The following MATN4 variants were observed in gnomAD, a reference collection of about 807,000 sequenced individuals.
MATN4 encodes matrilin 4, also known as matrilin-4.
Under a neutral mutation model 54.6 loss-of-function variants are expected in MATN4, and 40 were observed. The ratio of observed to expected loss-of-function variants is 0.73; its 90% CI spans 0.57 to 0.95. MATN4 has a LOEUF of 0.95. MATN4 is among the 40% of genes least tolerant of loss of function. The probability of loss-of-function intolerance (pLI) is 0.00; values close to 1 mark genes in which losing one functional copy is unlikely to be tolerated. For missense variants in MATN4, 810 were observed against 819.1 expected (o/e 0.99, Z 0.13); for synonymous variants, 351 against 345.3 (o/e 1.02, Z -0.18).
chr20:45,294,207 T>C (rs1395300889), intron 8 of MATN4, among the ~76,000 whole-genome samples, 192 bp from the exon 9 acceptor site: 1 of 152,226 alleles, frequency 6.6e-6, no homozygotes, highest in Non-Finnish European at 1.5e-5. Context: ...TTCTCATCTA[T>C]AAAATGGATA....
chr20:45,305,848 G>T (rs1169973394), intron 1 of MATN4, among the ~76,000 whole-genome samples: 1 of 82,934 alleles, frequency 1.2e-5, no homozygotes, highest in Non-Finnish European at 2.1e-5. Context: ...CTGTCGTCCC[G>T]GCTGGAGTGC....
rs1018651390 is a variant in MATN4 at position 45,304,215 on chromosome 20, C to A, written c.643+13G>T. The A allele has an allele frequency of 3.4e-6, 5 of 1,486,390 alleles. No homozygotes were observed. Among genetic ancestry groups the A allele is most frequent in the Non-Finnish European group, 4.5e-6 (5 of 1,120,302 alleles). The allele number at this position is 1,486,390 out of a possible 1,614,324, so 92.1% of individuals were successfully genotyped here. ...GAGAGTTCGAGCTTCACTCCAGCGC[C>A]CTCCTAACTCACCACACAGCCGGCT... On this transcript the variant is annotated intron_variant, in intron 3 of 9. Coordinates refer to ENST00000372756, the MANE Select transcript of MATN4 (RefSeq NM_001393530.1).
At position 45,298,241 on chromosome 20, in the gene MATN4, A is replaced by G; in HGVS notation, c.1355T>C (p.Val452Ala). The change falls in exon 7 of 10, where the codon GTT becomes GCT. Residue 452 changes from valine to alanine, a missense_variant. Physicochemically the swap from Val to Ala is moderately conservative, Grantham distance 64. Coordinates refer to ENST00000372756, the MANE Select transcript of MATN4 (RefSeq NM_001393530.1). The surrounding 1 kb of genome is among the most constrained non-coding windows in gnomAD (Gnocchi z 4.6). ...GCGGCCATCCGTGAAGACCAGGCCA[A>G]CACGAGGCACGTTAAGGGCACGGGG... ...ARPRALNVPR[V>A]GLVFTDGRSQ... 1 of 1,611,828 alleles carries G rather than the reference A, an allele frequency of 6.2e-7. No individual in the cohort carries two copies. Among genetic ancestry groups the G allele is most frequent in the Non-Finnish European group, 8.5e-7 (1 of 1,178,740 alleles).
At chr20:45,307,679 A>C (rs1402633175) in intron 1 of MATN4, among the ~76,000 whole-genome samples, 2 of 152,206 alleles carry the variant, frequency 1.3e-5, no homozygotes, top group Admixed American at 6.5e-5. Context: ...AATCCTAGAA[A>C]GTCAAAATAG....
chr20:45,298,174 C>G lies in MATN4; in HGVS notation c.1422G>C (p.Glu474Asp). The change falls in exon 7 of 10, where the codon GAG (glutamate) becomes GAC (aspartate). Residue 474 changes from glutamate (E) to aspartate (D), a missense_variant. Physicochemically the swap from Glu to Asp is conservative, Grantham distance 45. Transcript: ENST00000372756. This position sits in a 1 kb window ranked among gnomAD's most constrained non-coding sequence, Gnocchi z 4.6. ...TGTGTCCCATGCCAAGCCCACCTTC[C>G]TCCTTGGCGCGCGCTGCCCACACCG... is the stretch of plus-strand genomic sequence containing the variant. ...DISVWAARAK[E>D]EGIVMYAVGV... is the part of the protein sequence containing the mutation. 1.3e-6 allele frequency: 2 copies of G among 1,596,314 alleles called. No homozygotes were observed.
At position 45,304,782 on chromosome 20, in the gene MATN4, G is replaced by T. The variant is rs375388033; in HGVS notation, c.89C>A (p.Thr30Asn). 8.1e-5 allele frequency: 129 copies of T among 1,584,614 alleles called. No homozygotes were observed. The highest frequency in any genetic ancestry group is 9.8e-5 in the Non-Finnish European group (114 of 1,159,166). ...QLQLTGPRCH[T>N]GPLDLVFVID... Reference sequence around the variant, plus strand: ...CACGAACACCAGATCCAGGGGCCCAGTGTGACACCTGGGACCTGCGGGGAG... The same window carrying T: ...CACGAACACCAGATCCAGGGGCCCATTGTGACACCTGGGACCTGCGGGGAG... Residue 30 changes from threonine (T) to asparagine (N), a missense_variant, in exon 3 of 10, where the codon ACT (threonine) becomes AAT (asparagine). Transcript: ENST00000372756.
chr20:45,296,227 A>G (rs1985817827), intron 8 of MATN4, among the ~76,000 whole-genome samples: 2 of 140,286 alleles, frequency 1.4e-5, no homozygotes, highest in African/African-American at 5.5e-5. Context: ...AAAAAAAAAA[A>G]AAAAAAAAAA....
chr20:45,308,473 G>A (rs1046315585), upstream of MATN4: 1 of 558,654 alleles, frequency 1.8e-6, no homozygotes, highest in South Asian at 2.2e-5. Flanking sequence ...GGCTAGCTGC[G>A]GGCCAGGCTG....
At position 45,293,820 on chromosome 20, in the gene MATN4, G is replaced by T; in HGVS notation, c.1693C>A (p.Gln565Lys). The T allele has an allele frequency of 6.2e-7, 1 of 1,611,526 alleles. No individual in the cohort carries two copies. The highest frequency in any genetic ancestry group is 8.5e-7 in the Non-Finnish European group (1 of 1,179,956). Reference protein sequence around the residue: ...ALESLTLNLAQLTARLEDLEN... With the variant: ...ALESLTLNLAKLTARLEDLEN... ...AGATCCTCCAGGCGCGCCGTCAGCT[G>T]GGCCAGTGAGCGGTTAAGGAGGCCG... The change falls in exon 10 of 10, where the codon CAG (glutamine) becomes AAG (lysine). Residue 565 changes from glutamine to lysine, a missense_variant. Physicochemically the swap from Gln to Lys is moderately conservative, Grantham distance 53. Coordinates refer to ENST00000372756, the MANE Select transcript of MATN4 (RefSeq NM_001393530.1).
chr20:45,305,356 C>G (rs1986537075), intron 2 of MATN4, among the ~76,000 whole-genome samples, 154 bp downstream of exon 2: 1 of 152,226 alleles, frequency 6.6e-6, no homozygotes, highest in South Asian at 2.1e-4. Context: ...GATGAAGAAA[C>G]TGAGGCCCAG....
intron 8 of MATN4, among the ~76,000 whole-genome samples, chr20:45,296,514 T>TA (rs1985844425): frequency 6.6e-6 from 1 of 152,146 alleles, no homozygotes; most frequent in Non-Finnish European, 1.5e-5. Context: ...CACCAATTGA[T>TA]AAAGAGCTTC....
intron 2 of MATN4, 61 bp from the exon 3 acceptor site, chr20:45,304,858 C>T: frequency 9.0e-7 from 1 of 1,112,268 alleles, no homozygotes; most frequent in Non-Finnish European, 1.3e-6. Flanking sequence ...GAGGAGACCC[C>T]CTAGGAAACC....
chr20:45,304,057 C>G lies in MATN4; in HGVS notation c.643+171G>C, dbSNP rs114419807. ...ATAGGTTGCTCCTTGTTGATGGAGG[C>G]TGAGCAGAAGTGGTCAGAGCTGAAA... On this transcript the variant is annotated intron_variant, in intron 3 of 9. Coordinates refer to ENST00000372756, the MANE Select transcript of MATN4 (RefSeq NM_001393530.1). 5.9e-3 allele frequency among the ~76,000 whole-genome samples: 895 copies of G among 152,238 alleles called. 5 individuals are homozygous for G. Among genetic ancestry groups the G allele is most frequent in the African/African-American group, 0.02 (826 of 41,524 alleles).
Position 45,301,389 on chromosome 20 carries a change from G to T in MATN4, c.698C>A (p.Ser233Tyr). 6.2e-7 allele frequency: 1 copy of T among 1,614,134 alleles called. No individual in the cohort carries two copies. The highest frequency in any genetic ancestry group is 8.5e-7 in the Non-Finnish European group (1 of 1,180,020). The part of the protein sequence containing the change: ...THGCEHHCVN[S>Y]PGSYFCHCQV... ...GCAGTGACAGAAATAGGAGCCTGGG[G>T]AATTGACGCAGTGGTGCTCACATCC... The change falls in exon 4 of 10, where the codon TCC becomes TAC. Residue 233 changes from serine (S) to tyrosine (Y), a missense_variant. Physicochemically the swap from Ser to Tyr is moderately radical, Grantham distance 144. Coordinates refer to ENST00000372756, the MANE Select transcript of MATN4 (RefSeq NM_001393530.1).
Position 45,308,264 on chromosome 20 carries a change from T to C in MATN4, c.-124A>G. 1 of 1,572,560 alleles carries C rather than the reference T, an allele frequency of 6.4e-7. No homozygotes were observed. The highest frequency in any genetic ancestry group is 8.8e-7 in the Non-Finnish European group (1 of 1,142,522). On this transcript the variant is annotated 5_prime_UTR_variant, in exon 1 of 10. Coordinates refer to ENST00000372756, the MANE Select transcript of MATN4 (RefSeq NM_001393530.1). ...GCACTTGGACCAGGTAACGGCGGCGTGGCAGCGTGCCCTAGGTGGGGACTG... is the reference window on the plus strand; with the variant it reads ...GCACTTGGACCAGGTAACGGCGGCGCGGCAGCGTGCCCTAGGTGGGGACTG...
intron 8 of MATN4, among the ~76,000 whole-genome samples, chr20:45,294,798 C>G (rs1207701450): frequency 6.6e-6 from 1 of 152,150 alleles, no homozygotes; most frequent in Non-Finnish European, 1.5e-5. Flanking sequence ...AGGTGAGCAG[C>G]CAGCATGCAA....
chr20:45,304,455 G>C lies in MATN4; in HGVS notation c.416C>G (p.Pro139Arg), dbSNP rs754925722. 1.3e-6 allele frequency: 2 copies of C among 1,559,800 alleles called. No homozygotes were observed. Among genetic ancestry groups the C allele is most frequent in the East Asian group, 2.3e-5 (1 of 43,246 alleles). Residue 139 changes from proline to arginine, a missense_variant, in exon 3 of 10, where the codon CCG becomes CGG. Pro to Arg is a moderately radical substitution (Grantham distance 103). Coordinates refer to ENST00000372756, the MANE Select transcript of MATN4 (RefSeq NM_001393530.1). ...GTCTGTCACGATGACAGCGACACGCGGCACGCGCTCCTCTGGCGGTCGCGC... is the reference window on the plus strand; with the variant it reads ...GTCTGTCACGATGACAGCGACACGCCGCACGCGCTCCTCTGGCGGTCGCGC... ...EGARPPEERV[P>R]RVAVIVTDGR...
chr20:45,304,895 A>G, intron 2 of MATN4, 98 bp from the exon 3 acceptor site: 1 of 718,658 alleles, frequency 1.4e-6, no homozygotes, highest in Non-Finnish European at 2.3e-6. Flanking sequence ...ATGCCGACAT[A>G]ACAGCGCCCA....
At chr20:45,301,033 T>C in intron 5 of MATN4, 24 bp from the exon 6 acceptor site, 1 of 1,614,020 alleles carries the variant, frequency 6.2e-7, no homozygotes, top group Middle Eastern at 1.6e-4. Context: ...CAGGTCAGGA[T>C]GAGTCAGGAT....
Sources: gnomAD v4.1 joint callset for allele counts (sites outside exome capture counted in the v4.1 genomes callset) on GRCh38, gnomAD v4.1.1 for gene constraint, Gnocchi (gnomAD v3.1) non-coding constraint, MANE v1.5 for transcripts, NCBI Gene and HGNC (gene_info 2026-07-23, HGNC 2026-07-21) for gene names.